The following MACROD2 variants were observed in gnomAD, a reference collection of about 807,000 sequenced individuals.
The protein encoded by MACROD2 is mono-ADP ribosylhydrolase 2.
MACROD2 carries 36 observed loss-of-function variants against 70.4 expected under a neutral mutation model. The observed-to-expected ratio is 0.51, with a 90% CI of 0.39 to 0.68. MACROD2 has a LOEUF of 0.68. Ranked by LOEUF, MACROD2 falls within the 30% of genes least tolerant of loss-of-function variation. The pLI is 0.00. For missense variants in MACROD2, 496 were observed against 538.4 expected (o/e 0.92, Z 0.78); for synonymous variants, 172 against 178.8 (o/e 0.96, Z 0.30).
At chr20:14,518,709 C>T (rs2085131084) in intron 4 of MACROD2, among the ~76,000 whole-genome samples, 2 of 151,732 alleles carry the variant, frequency 1.3e-5, no homozygotes, top group Admixed American at 6.6e-5. Context: ...AGAGTGGCAC[C>T]TTTATATAAA....
chr20:15,426,713 G>A (rs1181139445), intron 6 of MACROD2, among the ~76,000 whole-genome samples: 5 of 152,080 alleles, frequency 3.3e-5, no homozygotes, highest in African/African-American at 1.2e-4. Flanking sequence ...GCTGAAAGGA[G>A]AATCTGGAGG....
At chr20:14,912,742 A>G (rs1018419272) in intron 5 of MACROD2, among the ~76,000 whole-genome samples, 1 of 152,152 alleles carries the variant, frequency 6.6e-6, no homozygotes, top group African/African-American at 2.4e-5. Context: ...GGGAAAAAAA[A>G]TCACACAATG....
At chr20:14,828,386 C>T (rs1018356480) in intron 5 of MACROD2, among the ~76,000 whole-genome samples, 1 of 152,108 alleles carries the variant, frequency 6.6e-6, no homozygotes, top group African/African-American at 2.4e-5. Context: ...CAGAATAACA[C>T]CTATGTAAGA....
chr20:14,025,802 G>T (rs893548794), intron 2 of MACROD2, among the ~76,000 whole-genome samples: 6 of 152,180 alleles, frequency 3.9e-5, no homozygotes, highest in Non-Finnish European at 8.8e-5. Context: ...ATGTGGTGCT[G>T]AGAAGAATGT....
At chr20:14,859,086 G>A (rs1363907094) in intron 5 of MACROD2, among the ~76,000 whole-genome samples, 1 of 152,032 alleles carries the variant, frequency 6.6e-6, no homozygotes, top group Non-Finnish European at 1.5e-5. Context: ...GGAAGGTTGG[G>A]AGGGGGGTGA....
intron 5 of MACROD2, among the ~76,000 whole-genome samples, chr20:15,018,323 A>G (rs759789591): frequency 1.3e-5 from 2 of 152,188 alleles, no homozygotes; most frequent in East Asian, 1.9e-4. Flanking sequence ...CTAGGTCCCA[A>G]TAAGTTCCTC....
At chr20:14,523,744 C>T (rs1013827612) in intron 4 of MACROD2, among the ~76,000 whole-genome samples, 2 of 152,232 alleles carry the variant, frequency 1.3e-5, no homozygotes, top group Admixed American at 6.5e-5. Context: ...TAGAAATTTA[C>T]TAGCTTATGT....
At chr20:15,373,264 T>C (rs1013916) in intron 6 of MACROD2, among the ~76,000 whole-genome samples, 83,650 of 152,040 alleles carry the variant, frequency 0.55, 24,909 homozygotes, top group African/African-American at 0.79. Context: ...CAGATTTAAA[T>C]TTTCAGTGAC....
At chr20:15,601,755 G>T (rs931359152) in intron 8 of MACROD2, among the ~76,000 whole-genome samples, 2 of 152,196 alleles carry the variant, frequency 1.3e-5, no homozygotes, top group Non-Finnish European at 2.9e-5. Flanking sequence ...GAGGCCAGGT[G>T]TGGTGGCTCA....
At chr20:15,155,379 A>G (rs1175214106) in intron 5 of MACROD2, among the ~76,000 whole-genome samples, 2 of 151,688 alleles carry the variant, frequency 1.3e-5, no homozygotes, top group South Asian at 2.1e-4. Context: ...TGCCCTTTAT[A>G]CTCTAGTGGG....
intron 15 of MACROD2, among the ~76,000 whole-genome samples, chr20:16,038,298 T>G (rs1264914466): frequency 1.3e-5 from 2 of 151,932 alleles, no homozygotes; most frequent in Non-Finnish European, 2.9e-5. Flanking sequence ...ATCTGATATC[T>G]TTCATTAATT....
At chr20:14,717,069 CT>C (rs1354061886) in intron 5 of MACROD2, among the ~76,000 whole-genome samples, 1 of 151,940 alleles carries the variant, frequency 6.6e-6, no homozygotes, top group East Asian at 1.9e-4. Flanking sequence ...GAACCAATCA[CT>C]AAAAATTCTG....
rs541011742 is a variant in MACROD2, at chr20:15,612,221, C to T, written c.645+112374C>T. Among the ~76,000 whole-genome samples the T allele has an allele frequency of 1.7e-4, 26 of 152,220 alleles. 1 individual carries two copies. Among genetic ancestry groups the T allele is most frequent in the African/African-American group, 5.1e-4 (21 of 41,528 alleles). ...AATACAGCTATAGCATGAGCCATGC[C>T]GGCTCATGATTGTTACCTCTTGGCT... On this transcript the variant is annotated intron_variant, in intron 8 of 17. Transcript: ENST00000684519.
chr20:15,342,616 C>A (rs1467286017), intron 6 of MACROD2, among the ~76,000 whole-genome samples: 1 of 152,036 alleles, frequency 6.6e-6, no homozygotes, highest in East Asian at 1.9e-4. Context: ...CAGGGAAGGT[C>A]TTTTATTAGC....
At chr20:14,050,988 C>T (rs1038333587) in intron 2 of MACROD2, among the ~76,000 whole-genome samples, 2 of 151,650 alleles carry the variant, frequency 1.3e-5, no homozygotes, top group African/African-American at 2.4e-5. Context: ...AATGCCGTGG[C>T]GTATTAGATA....
chr20:14,235,834 A>G (rs1272088019), intron 3 of MACROD2, among the ~76,000 whole-genome samples: 1 of 152,186 alleles, frequency 6.6e-6, no homozygotes, highest in African/African-American at 2.4e-5. Context: ...AAGAGCATGA[A>G]CAACATAGCT....
Position 14,179,793 on chromosome 20 carries a change from A to C in MACROD2, c.271+94065A>C, listed in dbSNP as rs917551582. Among the ~76,000 whole-genome samples, 4 of 152,182 alleles carry C rather than the reference A, an allele frequency of 2.6e-5. No individual in the cohort carries two copies. In the East Asian group the frequency reaches 7.7e-4, roughly 29 times the overall value. On this transcript the variant is annotated intron_variant, in intron 3 of 17. Transcript: ENST00000684519. The stretch of plus-strand genomic sequence containing the variant: ...ACAGTAGAGCATTTTAAAAAGACTC[A>C]GTAGCCCAGGCCTTGGCTCAAAGGT...
intron 10 of MACROD2, among the ~76,000 whole-genome samples, chr20:15,891,466 A>G (rs918554705): frequency 6.6e-6 from 1 of 152,214 alleles, no homozygotes; most frequent in African/African-American, 2.4e-5. Flanking sequence ...AAAAGCTCAC[A>G]CTGGCTGCTG....
chr20:15,611,970 C>A (rs77234975), intron 8 of MACROD2, among the ~76,000 whole-genome samples: 5,561 of 150,270 alleles, frequency 0.037, 178 homozygotes, highest in African/African-American at 0.077. Flanking sequence ...TTCCCTAGTT[C>A]TCCATCCTCC....
Sources: gnomAD v4.1 joint callset for allele counts (sites outside exome capture counted in the v4.1 genomes callset) on GRCh38, gnomAD v4.1.1 for gene constraint, MANE v1.5 for transcripts, NCBI Gene and HGNC (gene_info 2026-07-23, HGNC 2026-07-21) for gene names.